The following SYMPK variants were observed in gnomAD, a reference collection of about 807,000 sequenced individuals.
SYMPK encodes the protein symplekin.
A neutral mutation model predicts 136.4 loss-of-function variants in SYMPK; 49 were observed. That is an observed-to-expected ratio of 0.36 (90% CI 0.29 to 0.46). The LOEUF (loss-of-function observed/expected upper bound fraction) is 0.46. SYMPK is among the 20% of genes least tolerant of loss of function. The pLI, the probability that SYMPK is intolerant of heterozygous loss-of-function variation, is 1.00. For synonymous variants in SYMPK, 766 were observed against 713.0 expected, an observed-to-expected ratio of 1.07 and a Z score of -1.19; for missense variants, 1,365 against 1,690.0, an observed-to-expected ratio of 0.81 and a Z score of 3.37.
chr19:45,828,010 G>A lies in SYMPK; in HGVS notation c.1986-92C>T, dbSNP rs544702707. The A allele has an allele frequency of 3.5e-4, 406 of 1,173,900 alleles. 2 individuals are homozygous for A. In the African/African-American group the frequency reaches 5.6e-3, roughly 16 times the overall value. 72.7% of individuals were successfully genotyped at this position (1,173,900 alleles called of 1,614,324 possible). ...AATTGTAGGAGCTCAGGGCCAGCAG[G>A]CCCTCCCTCAGGGGCTGCTTGTTCA... On this transcript the variant is annotated intron_variant, in intron 14 of 26. Transcript: ENST00000245934.
chr19:45,825,456 G>A lies in SYMPK; in HGVS notation c.2330-125C>T. ...CAGAGAAGGGAGCCGGGGCTGGGGA[G>A]CTAATTGTTCTAGGGCAGGGAAATG... is the stretch of plus-strand genomic sequence containing the variant. On this transcript the variant is annotated intron_variant, in intron 17 of 26. Transcript: ENST00000245934. The A allele has an allele frequency of 2.4e-6, 3 of 1,232,498 alleles. No homozygotes were observed. The South Asian group carries it at 4.7e-5, about 19-fold the overall frequency. 76.3% of individuals were successfully genotyped at this position (1,232,498 alleles called of 1,614,324 possible). A position where few individuals can be genotyped will look rare whatever the true frequency, so the allele number is the denominator to read the frequency against.
Position 45,823,961 on chromosome 19 carries a change from A to G in SYMPK, c.2491-86T>C, listed in dbSNP as rs933139491. ...TGCCCGGCAGGGTGGCTTGCGGGGC[A>G]TGCTGGCGCCCAGGGTGAGACTGAG... On this transcript the variant is annotated intron_variant, in intron 18 of 26. Transcript: ENST00000245934. The G allele has an allele frequency of 4.7e-5, 46 of 986,548 alleles. No homozygotes were observed. In the Middle Eastern group the frequency reaches 3.7e-3, roughly 80 times the overall value. 61.1% of individuals were successfully genotyped at this position (986,548 alleles called of 1,614,324 possible).
At chr19:45,824,488 A>G (rs12610647) in intron 18 of SYMPK, among the ~76,000 whole-genome samples, 130,483 of 152,188 alleles carry the variant, frequency 0.86, 56,018 homozygotes, top group East Asian at 0.9. Flanking sequence ...GTTTCCTCCC[A>G]ACTACAAGCC....
intron 22 of SYMPK, among the ~76,000 whole-genome samples, 167 bp from the exon 23 acceptor site, chr19:45,818,313 C>T (rs1970804123): frequency 6.6e-6 from 1 of 152,184 alleles, no homozygotes; most frequent in African/African-American, 2.4e-5. Context: ...AGAAGGCACA[C>T]TGCAAGCCCC....
chr19:45,852,835 G>A (rs1971729241), intron 3 of SYMPK, among the ~76,000 whole-genome samples: 1 of 152,124 alleles, frequency 6.6e-6, no homozygotes, highest in Admixed American at 6.5e-5. Flanking sequence ...GACACAGGAG[G>A]GGGCTGAAAA....
intron 23 of SYMPK, chr19:45,817,232 C>T (rs1411999866): frequency 2.1e-6 from 1 of 484,332 alleles, no homozygotes; most frequent in Non-Finnish European, 3.6e-6. Flanking sequence ...TGGGCCAGGC[C>T]CAGGCTAAGT....
At chr19:45,858,599 T>C (rs1165008484) in intron 1 of SYMPK, among the ~76,000 whole-genome samples, 1 of 152,058 alleles carries the variant, frequency 6.6e-6, no homozygotes, top group Non-Finnish European at 1.5e-5. Context: ...CACAGCAACC[T>C]CTGCCTCCCA....
chr19:45,854,845 G>C (rs1489901991), intron 1 of SYMPK: 2 of 317,086 alleles, frequency 6.3e-6, no homozygotes, highest in African/African-American at 2.1e-5. Flanking sequence ...CTCCATCTGG[G>C]ATATGCTTTG....
intron 11 of SYMPK, among the ~76,000 whole-genome samples, chr19:45,834,605 A>G (rs1442690750): frequency 1.3e-5 from 2 of 152,142 alleles, no homozygotes; most frequent in African/African-American, 4.8e-5. Context: ...AAATACTCCA[A>G]ATCCAAAGGT....
chr19:45,823,537 C>A, intron 19 of SYMPK, 65 bp from the exon 20 acceptor site: 2 of 1,492,472 alleles, frequency 1.3e-6, no homozygotes, highest in Admixed American at 3.4e-5. Flanking sequence ...GGGTGGGCAC[C>A]CAGGAAAGAG....
intron 14 of SYMPK, 98 bp downstream of exon 14, chr19:45,828,872 G>C: frequency 6.7e-6 from 8 of 1,189,226 alleles, no homozygotes; most frequent in Non-Finnish European, 9.8e-6. Flanking sequence ...CTGACTCGGG[G>C]GGTGACGAAG....
In SYMPK at chr19:45,821,188, AGGAGGGAG is replaced by A. The variant is rs762280455; in HGVS notation, c.2893+188_2893+195del. 9.2e-5 allele frequency: 35 copies of A among 379,434 alleles called. No homozygotes were observed. Among genetic ancestry groups the A allele is most frequent in the Non-Finnish European group, 1.4e-4 (28 of 200,504 alleles). 23.5% of individuals were successfully genotyped at this position (379,434 alleles called of 1,614,324 possible). On this transcript the variant is annotated intron_variant, in intron 22 of 26. Coordinates refer to ENST00000245934, the MANE Select transcript of SYMPK (RefSeq NM_004819.3). This position sits in a 1 kb window ranked among gnomAD's most constrained non-coding sequence, Gnocchi z 4.4. The stretch of plus-strand genomic sequence containing the variant: ...GGGTAAAACCTGGGAGGAAGGAAGG[AGGAGGGAG>A]GGAGGGAGGGAGGGAAGAGGAGGCA...
At chr19:45,852,268 C>T (rs775336023) in intron 5 of SYMPK, 44 bp downstream of exon 5, 4 of 1,609,950 alleles carry the variant, frequency 2.5e-6, no homozygotes, top group Admixed American at 1.7e-5. Flanking sequence ...CTGAAGGCTG[C>T]CACCAGTGAG....
Position 45,817,851 on chromosome 19 carries a change from G to T in SYMPK, c.3081+108C>A, listed in dbSNP as rs145056114. 17 of 1,166,282 alleles carry T rather than the reference G, an allele frequency of 1.5e-5. No individual in the cohort carries two copies. The African/African-American group carries it at 1.5e-4, about 11-fold the overall frequency. 72.2% of individuals were successfully genotyped at this position (1,166,282 alleles called of 1,614,324 possible). A position where few individuals can be genotyped will look rare whatever the true frequency, so the allele number is the denominator to read the frequency against. ...CTTGGCAGGAGGCAGAGCAGAGCCTGCTGTCCTCCACCGGGCTCCCTCCGG... is the reference window on the plus strand; with the variant it reads ...CTTGGCAGGAGGCAGAGCAGAGCCTTCTGTCCTCCACCGGGCTCCCTCCGG... On this transcript the variant is annotated intron_variant, in intron 23 of 26. Coordinates refer to ENST00000245934, the MANE Select transcript of SYMPK (RefSeq NM_004819.3).
In SYMPK at chr19:45,852,376, C is replaced by A. The variant is rs1232849316; in HGVS notation, c.235G>T (p.Ala79Ser). Reference protein sequence around the residue: ...LLDNFLDEIIAFQADKSIEVR... With the variant: ...LLDNFLDEIISFQADKSIEVR... ...TCGATTGACTTGTCTGCTTGGAATG[C>A]GATGATCTCCTGCCAATGTTAGAGA... Residue 79 changes from alanine to serine, a missense_variant, in exon 5 of 27, where the codon GCA (alanine) becomes TCA (serine). Ala to Ser is a moderately conservative substitution (Grantham distance 99, BLOSUM62 1). Coordinates refer to ENST00000245934, the MANE Select transcript of SYMPK (RefSeq NM_004819.3). 5 of 1,614,086 alleles carry A rather than the reference C, an allele frequency of 3.1e-6. No homozygotes were observed. The highest frequency in any genetic ancestry group is 2.7e-5 in the African/African-American group (2 of 74,940).
intron 10 of SYMPK, among the ~76,000 whole-genome samples, chr19:45,838,181 A>C: frequency 6.6e-6 from 1 of 150,702 alleles, no homozygotes; most frequent in Middle Eastern, 3.4e-3. Context: ...GCTCCCCAAC[A>C]CTCCCTTTCT....
chr19:45,829,938 A>T, intron 13 of SYMPK, 116 bp downstream of exon 13: 10 of 1,231,412 alleles, frequency 8.1e-6, no homozygotes, highest in Non-Finnish European at 1.1e-5. Flanking sequence ...TGGGCAGCAG[A>T]GCTGGGGTCC....
intron 1 of SYMPK, among the ~76,000 whole-genome samples, chr19:45,857,798 CT>C (rs545837447): frequency 0.26 from 34,205 of 131,542 alleles, 4,149 homozygotes; most frequent in South Asian, 0.27. Context: ...GCCGAAAATA[CT>C]TTTTTTTTTT....
At chr19:45,822,927 C>A (rs780191424) in intron 20 of SYMPK, 81 bp from the exon 21 acceptor site, 2 of 1,220,506 alleles carry the variant, frequency 1.6e-6, no homozygotes, top group East Asian at 2.4e-5. Flanking sequence ...CCCTTCTGCT[C>A]GCCCTGGGGA....
Sources: allele counts gnomAD v4.1 joint callset (sites outside exome capture counted in the v4.1 genomes callset), GRCh38; gene constraint gnomAD v4.1.1; non-coding constraint Gnocchi (gnomAD v3.1); transcripts MANE v1.5; gene names NCBI Gene and HGNC (gene_info 2026-07-23, HGNC 2026-07-21).